The following QTMAN variants were observed in gnomAD, a reference collection of about 807,000 sequenced individuals.
The protein encoded by QTMAN is queuosine-tRNA mannosyltransferase.
At chr2:143,994,763 CAGG>C in the QTMAN span, among the ~76,000 whole-genome samples, 1 of 152,104 alleles carries the variant, frequency 6.6e-6, no homozygotes, top group Non-Finnish European at 1.5e-5. Flanking sequence ...CTTAATAGGG[CAGG>C]AGAATTCCTT....
the QTMAN span, among the ~76,000 whole-genome samples, chr2:144,301,311 T>A: frequency 0.6 from 91,938 of 152,004 alleles, 27,954 homozygotes; most frequent in East Asian, 0.73. Context: ...CAACCTCCGC[T>A]TCCCAGATGC....
chr2:144,121,735 G>A, the QTMAN span, among the ~76,000 whole-genome samples: 6,699 of 152,158 alleles, frequency 0.044, 262 homozygotes, highest in East Asian at 0.18. Context: ...AAATATTTGC[G>A]GGGCTGTGCC....
the QTMAN span, among the ~76,000 whole-genome samples, chr2:144,267,273 G>C: frequency 6.6e-6 from 1 of 152,178 alleles, no homozygotes; most frequent in African/African-American, 2.4e-5. Context: ...AATGGAATAA[G>C]TAAACGCCTA....
the QTMAN span, among the ~76,000 whole-genome samples, chr2:144,038,349 A>G: frequency 6.6e-6 from 1 of 152,070 alleles, no homozygotes; most frequent in Non-Finnish European, 1.5e-5. Context: ...ACATATACAT[A>G]TATTACATAT....
the QTMAN span, among the ~76,000 whole-genome samples, chr2:144,108,284 G>C: frequency 6.6e-6 from 1 of 152,108 alleles, no homozygotes; most frequent in East Asian, 1.9e-4. Flanking sequence ...GAAATAAAGG[G>C]TATTCAATTA....
chr2:144,120,394 G>A, the QTMAN span, among the ~76,000 whole-genome samples: 207 of 152,266 alleles, frequency 1.4e-3, no homozygotes, highest in African/African-American at 4.8e-3. Flanking sequence ...GGGTTCCTGG[G>A]AAAGAACAAA....
At chr2:144,036,118 T>C in the QTMAN span, among the ~76,000 whole-genome samples, 1 of 152,212 alleles carries the variant, frequency 6.6e-6, no homozygotes, top group Non-Finnish European at 1.5e-5. Flanking sequence ...AACACTTCAA[T>C]AGTTAACTGA....
the QTMAN span, among the ~76,000 whole-genome samples, chr2:144,294,047 C>A: frequency 6.6e-6 from 1 of 152,190 alleles, no homozygotes; most frequent in African/African-American, 2.4e-5. Context: ...TGCTTACTTT[C>A]TCCAAAACCC....
At chr2:144,295,253 T>G in the QTMAN span, 1 of 152,174 alleles carries the variant, frequency 6.6e-6, no homozygotes, top group Non-Finnish European at 1.5e-5. Flanking sequence ...AAGGCTCACT[T>G]CCTAAGGGAA....
the QTMAN span, among the ~76,000 whole-genome samples, chr2:144,289,029 CTT>C: frequency 1.8e-3 from 207 of 115,964 alleles, no homozygotes; most frequent in African/African-American, 6.2e-3. Flanking sequence ...CAAGAAAATT[CTT>C]TTTTTTTTTT....
chr2:144,093,856 A>G, the QTMAN span, among the ~76,000 whole-genome samples: 3 of 152,044 alleles, frequency 2.0e-5, no homozygotes, highest in Non-Finnish European at 4.4e-5. Context: ...CACAACCTAC[A>G]CTCTACTAAT....
At chr2:144,272,276 G>A in the QTMAN span, among the ~76,000 whole-genome samples, 1 of 151,984 alleles carries the variant, frequency 6.6e-6, no homozygotes, top group African/African-American at 2.4e-5. Flanking sequence ...AATTAAAATT[G>A]TTGAAAATGT....
chr2:144,188,508 C>CGGAT, the QTMAN span, among the ~76,000 whole-genome samples: 15,179 of 148,656 alleles, frequency 0.1, 856 homozygotes, highest in African/African-American at 0.15. Context: ...CTTTTGCAAT[C>CGGAT]GGATGGATGG....
chr2:144,027,302 C>T, the QTMAN span, among the ~76,000 whole-genome samples: 35 of 152,186 alleles, frequency 2.3e-4, no homozygotes, highest in Non-Finnish European at 3.8e-4. Flanking sequence ...CATTATATTA[C>T]GTTGTCACAT....
At chr2:144,183,696 C>T in the QTMAN span, among the ~76,000 whole-genome samples, 4 of 152,112 alleles carry the variant, frequency 2.6e-5, no homozygotes. Flanking sequence ...GTCTTATCTT[C>T]CCAAATGTAA....
chr2:144,321,679 T>G, the QTMAN span, among the ~76,000 whole-genome samples: 2 of 152,174 alleles, frequency 1.3e-5, no homozygotes, highest in Non-Finnish European at 2.9e-5. Flanking sequence ...CATAGCTCAC[T>G]GCAGCCTCAA....
chr2:144,103,303 C>G, the QTMAN span, among the ~76,000 whole-genome samples: 1 of 152,184 alleles, frequency 6.6e-6, no homozygotes, highest in Non-Finnish European at 1.5e-5. Flanking sequence ...CCGGGGGCCA[C>G]TGGAGCACAA....
chr2:144,130,652 T>C, the QTMAN span, among the ~76,000 whole-genome samples: 1 of 151,910 alleles, frequency 6.6e-6, no homozygotes, highest in South Asian at 2.1e-4. Context: ...GCCAAGTATC[T>C]TACACACAAT....
At chr2:144,040,471 A>G in the QTMAN span, among the ~76,000 whole-genome samples, 24 of 152,232 alleles carry the variant, frequency 1.6e-4, no homozygotes, top group African/African-American at 5.1e-4. Context: ...GTCTAGGACT[A>G]TAAGTTTGTT....
Sources: allele counts gnomAD v4.1 joint callset (sites outside exome capture counted in the v4.1 genomes callset), GRCh38; gene constraint gnomAD v4.1.1; transcripts MANE v1.5; gene names NCBI Gene and HGNC (gene_info 2026-07-23, HGNC 2026-07-21).